DLGAP1: variants seen among roughly 807,000 people sequenced by gnomAD.
DLGAP1 encodes the protein DLG associated protein 1, also known as disks large-associated protein 1.
Under a neutral mutation model 90.8 loss-of-function variants are expected in DLGAP1, and 11 were observed. The observed-to-expected ratio is 0.12, with a 90% CI of 0.08 to 0.20. DLGAP1 has a LOEUF of 0.20. Ranked by LOEUF, DLGAP1 falls within the 10% of genes least tolerant of loss-of-function variation. DLGAP1 has a pLI of 1.00. For missense variants in DLGAP1, 1,050 were observed against 1,333.8 expected (o/e 0.79, Z 3.31); for synonymous variants, 558 against 540.7 (o/e 1.03, Z -0.44).
Position 4,213,966 on chromosome 18 carries a change from G to C in DLGAP1, c.-266-62679C>G, listed in dbSNP as rs550518140. Among the ~76,000 whole-genome samples, 19 of 152,236 alleles carry C rather than the reference G, an allele frequency of 1.2e-4. No homozygotes were observed. In the South Asian group the frequency reaches 3.9e-3, roughly 32 times the overall value. Reference sequence around the variant, plus strand: ...GAAGTCTTCTTGATTTGGCACCAAAGAGTCTCCTGAGACTGTGGCCCGAGA... The same window carrying C: ...GAAGTCTTCTTGATTTGGCACCAAACAGTCTCCTGAGACTGTGGCCCGAGA... On this transcript the variant is annotated intron_variant, in intron 1 of 12. Coordinates refer to ENST00000315677, the MANE Select transcript of DLGAP1 (RefSeq NM_004746.4).
At chr18:3,756,629 T>A (rs2063729672) in intron 5 of DLGAP1, among the ~76,000 whole-genome samples, 1 of 151,604 alleles carries the variant, frequency 6.6e-6, no homozygotes, top group Non-Finnish European at 1.5e-5. Flanking sequence ...ATAGTGGAAA[T>A]AAATGAAATG....
chr18:4,386,657 T>C (rs573606), intron 1 of DLGAP1, among the ~76,000 whole-genome samples: 141,087 of 152,224 alleles, frequency 0.93, 66,358 homozygotes, highest in East Asian at 1. Context: ...CTTAGGTCTA[T>C]AGAGTAATGA....
At chr18:4,070,441 AT>A (rs2075430450) in intron 2 of DLGAP1, among the ~76,000 whole-genome samples, 1 of 152,178 alleles carries the variant, frequency 6.6e-6, no homozygotes, top group African/African-American at 2.4e-5. Context: ...ATTAATCAAC[AT>A]CTGAAAAGAG....
intron 1 of DLGAP1, among the ~76,000 whole-genome samples, chr18:4,447,953 C>T (rs62085395): frequency 0.019 from 2,858 of 152,216 alleles, 38 homozygotes; most frequent in Non-Finnish European, 0.026. Flanking sequence ...TCTTGTATAG[C>T]CATTAATGAC....
chr18:3,705,269 T>C (rs1458270911), intron 7 of DLGAP1, among the ~76,000 whole-genome samples: 1 of 152,100 alleles, frequency 6.6e-6, no homozygotes, highest in Non-Finnish European at 1.5e-5. Flanking sequence ...CCAGTTTATT[T>C]TGTGGAAAGA....
At chr18:3,849,955 T>A (rs1415340056) in intron 4 of DLGAP1, among the ~76,000 whole-genome samples, 1 of 152,146 alleles carries the variant, frequency 6.6e-6, no homozygotes, top group Non-Finnish European at 1.5e-5. Flanking sequence ...GTACTAGTGG[T>A]CTTGTTTATA....
chr18:4,451,173 G>C (rs183114827), intron 1 of DLGAP1, among the ~76,000 whole-genome samples: 5 of 152,264 alleles, frequency 3.3e-5, no homozygotes, highest in Admixed American at 3.3e-4. Flanking sequence ...CTAGAGAGAA[G>C]GATGGGAAAT....
chr18:4,366,127 A>G (rs2081760011), intron 1 of DLGAP1, among the ~76,000 whole-genome samples: 1 of 152,170 alleles, frequency 6.6e-6, no homozygotes, highest in Non-Finnish European at 1.5e-5. Context: ...AATAAAACTG[A>G]TATAAATCTG....
intron 2 of DLGAP1, among the ~76,000 whole-genome samples, chr18:4,029,345 T>G (rs2074754869): frequency 6.6e-6 from 1 of 152,320 alleles, no homozygotes. Flanking sequence ...GATATACTGA[T>G]TTCATTTCCT....
chr18:4,024,064 G>A (rs774973349), intron 2 of DLGAP1, among the ~76,000 whole-genome samples: 1 of 152,024 alleles, frequency 6.6e-6, no homozygotes, highest in Non-Finnish European at 1.5e-5. Flanking sequence ...TATTTCAAAA[G>A]CTTTGAAAAA....
At chr18:3,845,124 G>T in intron 4 of DLGAP1, 10 of 1,370,402 alleles carry the variant, frequency 7.3e-6, no homozygotes, top group Non-Finnish European at 8.1e-6. Context: ...CATGAAACAT[G>T]AAATTAACTC....
At chr18:3,975,285 G>A (rs1007933670) in intron 3 of DLGAP1, among the ~76,000 whole-genome samples, 5 of 152,034 alleles carry the variant, frequency 3.3e-5, no homozygotes, top group Non-Finnish European at 4.4e-5. Flanking sequence ...TCAAAAATGG[G>A]CAAGGAAATT....
chr18:4,132,604 G>A (rs1299379086), intron 2 of DLGAP1, among the ~76,000 whole-genome samples: 1 of 152,142 alleles, frequency 6.6e-6, no homozygotes, highest in East Asian at 1.9e-4. Flanking sequence ...AGGTACAATA[G>A]TTGTCTAACA....
At chr18:4,303,723 T>C (rs1193235045) in intron 1 of DLGAP1, among the ~76,000 whole-genome samples, 6 of 152,236 alleles carry the variant, frequency 3.9e-5, no homozygotes, top group Non-Finnish European at 7.3e-5. Flanking sequence ...CTGAATGAAC[T>C]TCAATTATGC....
intron 1 of DLGAP1, among the ~76,000 whole-genome samples, chr18:4,366,205 T>C (rs1567864628): frequency 6.6e-6 from 1 of 152,242 alleles, no homozygotes; most frequent in East Asian, 1.9e-4. Flanking sequence ...AAAGAATTCA[T>C]CTGGGTCCTA....
intron 5 of DLGAP1, among the ~76,000 whole-genome samples, chr18:3,759,942 C>T (rs7239252): frequency 0.19 from 29,167 of 152,028 alleles, 3,297 homozygotes; most frequent in East Asian, 0.54. Flanking sequence ...AGGCAGCGGC[C>T]GGGGTGCCAG....
intron 1 of DLGAP1, among the ~76,000 whole-genome samples, chr18:4,209,105 T>A (rs1184908500): frequency 3.3e-5 from 5 of 152,104 alleles, no homozygotes; most frequent in Non-Finnish European, 7.4e-5. Flanking sequence ...CAACTGATGG[T>A]GCTGAGGGTG....
intron 1 of DLGAP1, among the ~76,000 whole-genome samples, chr18:4,340,616 G>GA (rs149360707): frequency 0.061 from 8,978 of 147,130 alleles, 333 homozygotes; most frequent in African/African-American, 0.097. Flanking sequence ...TTGTTATTAA[G>GA]AAAAAAAAAA....
intron 1 of DLGAP1, among the ~76,000 whole-genome samples, chr18:4,208,850 C>T (rs1295754102): frequency 2.6e-5 from 4 of 151,842 alleles, no homozygotes; most frequent in Non-Finnish European, 5.9e-5. Flanking sequence ...TGGGAACAAG[C>T]CAACTATTTA....
Sources: gnomAD v4.1 joint callset for allele counts (sites outside exome capture counted in the v4.1 genomes callset) on GRCh38, gnomAD v4.1.1 for gene constraint, MANE v1.5 for transcripts, NCBI Gene and HGNC (gene_info 2026-07-23, HGNC 2026-07-21) for gene names.